TET2: variants seen among roughly 807,000 people sequenced by gnomAD.
TET2 encodes methylcytosine dioxygenase TET2.
A neutral mutation model predicts 142.9 loss-of-function variants in TET2; 299 were observed. That is an observed-to-expected ratio of 2.09 (90% CI 1.90 to 2.30). TET2 has a LOEUF of 2.30. Ranked by LOEUF, TET2 falls within the 30% of genes most tolerant of loss-of-function variation. The pLI, the probability that TET2 is intolerant of heterozygous loss-of-function variation, is 0.00. For synonymous variants in TET2, 819 were observed against 849.0 expected, an observed-to-expected ratio of 0.96 and a Z score of 0.61; for missense variants, 2,418 against 2,378.0, an observed-to-expected ratio of 1.02 and a Z score of -0.35.
intron 2 of TET2, among the ~76,000 whole-genome samples, chr4:105,211,733 G>GGAGGCATA (rs1285887959): frequency 2.0e-5 from 3 of 152,170 alleles, no homozygotes; most frequent in Non-Finnish European, 2.9e-5. Flanking sequence ...AGGAGTAAAT[G>GGAGGCATA]GAGGCATAGA....
In TET2 at chr4:105,275,076, G is replaced by GCAGCAGTCC. The variant is rs1213608283; in HGVS notation, c.4573_4581dup (p.Ser1525_Gln1527dup). On this transcript the variant is annotated inframe_insertion, in exon 11 of 11. Transcript: ENST00000380013. ...TTTTGCGACTTTCAGGACCAGTCATGCAGCAGTCCCAGCAGCCCCAGCCTC... is the reference window on the plus strand; with the variant it reads ...TTTTGCGACTTTCAGGACCAGTCATGCAGCAGTCCCAGCAGTCCCAGCAGCCCCAGCCTC... 6.5e-7 allele frequency: 1 copy of GCAGCAGTCC among 1,546,190 alleles called. No individual in the cohort carries two copies. Among genetic ancestry groups the GCAGCAGTCC allele is most frequent in the African/African-American group, 1.4e-5 (1 of 72,912 alleles).
At chr4:105,261,418 A>G (rs1398316427) in intron 7 of TET2, among the ~76,000 whole-genome samples, 1 of 152,136 alleles carries the variant, frequency 6.6e-6, no homozygotes, top group Non-Finnish European at 1.5e-5. Flanking sequence ...AGTTCTTTTA[A>G]TAGTTCATCT....
chr4:105,163,832 A>C (rs963230987), intron 1 of TET2, among the ~76,000 whole-genome samples: 4 of 148,738 alleles, frequency 2.7e-5, no homozygotes, highest in Admixed American at 6.7e-5. Context: ...AGAGAGAGAG[A>C]GAGAGAGAGA....
At chr4:105,166,682 T>C (rs959916512) in intron 1 of TET2, among the ~76,000 whole-genome samples, 42 of 152,220 alleles carry the variant, frequency 2.8e-4, no homozygotes, top group African/African-American at 9.9e-4. Flanking sequence ...AAATGCCTTA[T>C]ATTTTTCCTT....
chr4:105,265,664 C>T (rs977516584), intron 8 of TET2, among the ~76,000 whole-genome samples: 1 of 152,148 alleles, frequency 6.6e-6, no homozygotes, highest in Non-Finnish European at 1.5e-5. Context: ...GAAGCCACCA[C>T]AAACTTTTAT....
intron 10 of TET2, among the ~76,000 whole-genome samples, chr4:105,274,579 T>TGG (rs564295706): frequency 7.6e-4 from 115 of 152,202 alleles, no homozygotes; most frequent in Non-Finnish European, 1.2e-3. Context: ...TACTTACCAG[T>TGG]GGGGGTGAAG....
chr4:105,251,858 T>C (rs1468759841), intron 6 of TET2, among the ~76,000 whole-genome samples: 1 of 152,214 alleles, frequency 6.6e-6, no homozygotes, highest in African/African-American at 2.4e-5. Context: ...TGTGGGAATT[T>C]TTAAACATTT....
rs111673454 is a variant in TET2, at chr4:105,163,854, AGTGTGTGTGTGTGT to A, written c.-193+16896_-193+16909del. 1.1e-4 allele frequency among the ~76,000 whole-genome samples: 9 copies of A among 85,232 alleles called. No individual in the cohort carries two copies. In the South Asian group the frequency reaches 1.9e-3, roughly 18 times the overall value. 55.9% of individuals were successfully genotyped at this position (85,232 alleles called of 152,430 possible). A position where few individuals can be genotyped will look rare whatever the true frequency, so the allele number is the denominator to read the frequency against. On this transcript the variant is annotated intron_variant, in intron 1 of 10. Transcript: ENST00000380013. ...GAGAGAGAGAGAGAGAGAGAGAGAG[AGTGTGTGTGTGTGT>A]GTGTGTGTGTGTGTGTGTGTTCCAG... is the stretch of plus-strand genomic sequence containing the variant.
At chr4:105,268,741 T>A (rs1316345089) in intron 8 of TET2, among the ~76,000 whole-genome samples, 2 of 151,978 alleles carry the variant, frequency 1.3e-5, no homozygotes, top group Admixed American at 6.6e-5. Context: ...GAGGCCGAGG[T>A]GGGTGGATCA....
chr4:105,268,866 G>A (rs1204816377), intron 8 of TET2, among the ~76,000 whole-genome samples: 1 of 152,080 alleles, frequency 6.6e-6, no homozygotes, highest in Non-Finnish European at 1.5e-5. Flanking sequence ...CCAGCTGCTT[G>A]GGAGGTTGAG....
rs55838312 is a variant in TET2 at position 105,243,127 on chromosome 4, T to G, written c.3594+200T>G. 0.28 allele frequency among the ~76,000 whole-genome samples: 42,190 copies of G among 152,136 alleles called. 6,582 individuals carry two copies. The highest frequency in any genetic ancestry group is 0.36 in the Non-Finnish European group (24,752 of 67,968). On this transcript the variant is annotated intron_variant, in intron 5 of 10. Transcript: ENST00000380013. Reference sequence around the variant, plus strand: ...ACAAATTGTATTTAATTGAAATAATTTAGTGATGAGGAAGAGGTCCATTCT... The same window carrying G: ...ACAAATTGTATTTAATTGAAATAATGTAGTGATGAGGAAGAGGTCCATTCT...
chr4:105,175,293 A>T (rs930358378), intron 1 of TET2, among the ~76,000 whole-genome samples: 1 of 152,186 alleles, frequency 6.6e-6, no homozygotes, highest in Non-Finnish European at 1.5e-5. Context: ...GAAACTTTAT[A>T]AAAAACTATG....
In TET2 at chr4:105,235,654, GT is replaced by G. The variant is rs1436419192; in HGVS notation, c.1716del (p.His573ThrfsTer7). 6.2e-7 allele frequency: 1 copy of G among 1,613,970 alleles called. No homozygotes were observed. The highest frequency in any genetic ancestry group is 8.5e-7 in the Non-Finnish European group (1 of 1,180,004). ...KPGWIELKAPRFHQAESHLKR... is the reference protein window; with the variant it reads ...KPGWIELKAPXFHQAESHLKR... ...GGATGGATTGAATTGAAGGCCCCTC[GT>G]TTTCACCAAGCGGAATCCCATCTAA... On this transcript the variant is annotated frameshift_variant, in exon 3 of 11. Transcript: ENST00000380013. LOFTEE classifies it high-confidence loss of function.
At chr4:105,273,135 C>T (rs1731046854) in intron 10 of TET2, among the ~76,000 whole-genome samples, 1 of 152,134 alleles carries the variant, frequency 6.6e-6, no homozygotes, top group African/African-American at 2.4e-5. Flanking sequence ...TGCACCCCTA[C>T]CAATAGGCGC....
At chr4:105,240,189 G>A (rs924229337) in intron 3 of TET2, 3 of 251,622 alleles carry the variant, frequency 1.2e-5, no homozygotes, top group Non-Finnish European at 2.4e-5. Context: ...CATGAAGTGA[G>A]CACATGCTGT....
chr4:105,197,437 T>A (rs1016408838), intron 2 of TET2, among the ~76,000 whole-genome samples: 1 of 152,196 alleles, frequency 6.6e-6, no homozygotes, highest in African/African-American at 2.4e-5. Context: ...AGTTTTTGGT[T>A]GTGTTCTGTT....
chr4:105,184,214 A>G (rs1213546706), intron 1 of TET2, among the ~76,000 whole-genome samples: 2 of 152,150 alleles, frequency 1.3e-5, no homozygotes, highest in African/African-American at 4.8e-5. Context: ...AATATCTATT[A>G]TTTTAAAAAA....
rs529920121 is a variant in TET2 at position 105,151,225 on chromosome 4, A to T, written c.-193+4246A>T. Among the ~76,000 whole-genome samples the T allele has an allele frequency of 2.0e-5, 3 of 152,124 alleles. No individual in the cohort carries two copies. In the East Asian group the frequency reaches 5.8e-4, roughly 29 times the overall value. On this transcript the variant is annotated intron_variant, in intron 1 of 10. Coordinates refer to ENST00000380013, the MANE Select transcript of TET2 (RefSeq NM_001127208.3). ...AGTCCCAGCTACTCAGGAGACTGAGATAGGAGGATGGATTGAGCTCAAGTG... is the reference window on the plus strand; with the variant it reads ...AGTCCCAGCTACTCAGGAGACTGAGTTAGGAGGATGGATTGAGCTCAAGTG...
chr4:105,195,825 A>G (rs775714468), intron 2 of TET2, among the ~76,000 whole-genome samples: 6 of 152,100 alleles, frequency 3.9e-5, no homozygotes, highest in Non-Finnish European at 5.9e-5. Flanking sequence ...GCAATTTTGT[A>G]ATTCTCAACC....
Sources: gnomAD v4.1 joint callset for allele counts (sites outside exome capture counted in the v4.1 genomes callset) on GRCh38, gnomAD v4.1.1 for gene constraint, MANE v1.5 for transcripts, NCBI Gene and HGNC (gene_info 2026-07-23, HGNC 2026-07-21) for gene names.